AKAP13: variants seen among roughly 807,000 people sequenced by gnomAD.
AKAP13 encodes the protein A-kinase anchor protein 13.
Under a neutral mutation model 264.5 loss-of-function variants are expected in AKAP13, and 80 were observed. The observed-to-expected ratio is 0.30, with a 90% CI of 0.25 to 0.36. AKAP13 has a LOEUF of 0.36. Ranked by LOEUF, AKAP13 falls within the 10% of genes least tolerant of loss-of-function variation. AKAP13 has a pLI of 1.00. For missense variants in AKAP13, 3,712 were observed against 3,435.2 expected (o/e 1.08, Z -2.01); for synonymous variants, 1,380 against 1,250.2 (o/e 1.10, Z -2.19).
chr15:85,399,473 G>A (rs529345024), intron 1 of AKAP13, among the ~76,000 whole-genome samples: 1,871 of 131,048 alleles, frequency 0.014, 53 homozygotes, highest in African/African-American at 0.053. Flanking sequence ...TCCGCAGTCC[G>A]GCCTGGGCGA....
At chr15:85,482,457 A>T (rs1292777328) in intron 1 of AKAP13, among the ~76,000 whole-genome samples, 1 of 152,136 alleles carries the variant, frequency 6.6e-6, no homozygotes, top group East Asian at 1.9e-4. Flanking sequence ...AGTCTTGAGG[A>T]GTATGGTGTC....
intron 1 of AKAP13, among the ~76,000 whole-genome samples, chr15:85,399,805 C>T (rs1414734328): frequency 6.6e-6 from 1 of 151,948 alleles, no homozygotes; most frequent in Admixed American, 6.6e-5. Context: ...AGATTAACTC[C>T]AGCAATAAAA....
chr15:85,494,920 G>A lies in AKAP13; in HGVS notation c.33+9167G>A, dbSNP rs145827458. Among the ~76,000 whole-genome samples, 194 of 152,268 alleles carry A rather than the reference G, an allele frequency of 1.3e-3. 2 individuals carry two copies. Among genetic ancestry groups the A allele is most frequent in the African/African-American group, 4.4e-3 (183 of 41,556 alleles). Reference sequence around the variant, plus strand: ...GAAGAGAGGAATATTCAAAAAGATAGCATTGTGCTCCTTTCTTGGTGGAGT... The same window carrying A: ...GAAGAGAGGAATATTCAAAAAGATAACATTGTGCTCCTTTCTTGGTGGAGT... On this transcript the variant is annotated intron_variant, in intron 2 of 36. Transcript: ENST00000394518.
At chr15:85,511,218 G>C (rs185254486) in intron 2 of AKAP13, among the ~76,000 whole-genome samples, 1 of 151,776 alleles carries the variant, frequency 6.6e-6, no homozygotes, top group Non-Finnish European at 1.5e-5. Flanking sequence ...TCCTCTTCTC[G>C]GACTGGCCCT....
chr15:85,580,560 A>T lies in AKAP13; in HGVS notation c.2492A>T (p.Asn831Ile). 6.2e-7 allele frequency: 1 copy of T among 1,614,214 alleles called. No individual in the cohort carries two copies. The highest frequency in any genetic ancestry group is 8.5e-7 in the Non-Finnish European group (1 of 1,180,038). The change falls in exon 7 of 37, where the codon AAT (asparagine) becomes ATT (isoleucine). Residue 831 changes from asparagine to isoleucine, a missense_variant. Physicochemically the swap from Asn to Ile is moderately radical, Grantham distance 149. Coordinates refer to ENST00000394518, the MANE Select transcript of AKAP13 (RefSeq NM_007200.5). ...ATDYRDGPDG[N>I]SNEPDTRPLE... ...GATTATAGAGATGGCCCAGATGGAA[A>T]TTCGAATGAGCCTGATACGCGGCCA...
At chr15:85,385,815 A>C (rs1348317604) in intron 1 of AKAP13, among the ~76,000 whole-genome samples, 2 of 152,086 alleles carry the variant, frequency 1.3e-5, no homozygotes, top group African/African-American at 2.4e-5. Context: ...TACTTGTCTT[A>C]ATAATGTCTT....
chr15:85,485,556 T>A (rs915368724), intron 1 of AKAP13, among the ~76,000 whole-genome samples, 154 bp from the exon 2 acceptor site: 2 of 152,160 alleles, frequency 1.3e-5, no homozygotes, highest in Admixed American at 1.3e-4. Context: ...CCTTCCTAAA[T>A]CTCTTAGTGT....
intron 5 of AKAP13, among the ~76,000 whole-genome samples, chr15:85,563,884 T>C (rs1251412278): frequency 6.6e-6 from 1 of 152,276 alleles, no homozygotes; most frequent in South Asian, 2.1e-4. Flanking sequence ...TAGGTCAAGA[T>C]GCATGCTCAA....
At chr15:85,419,675 T>A (rs948857057) in intron 1 of AKAP13, among the ~76,000 whole-genome samples, 1 of 152,180 alleles carries the variant, frequency 6.6e-6, no homozygotes, top group African/African-American at 2.4e-5. Context: ...AGTATTTATG[T>A]CTCATTTCAA....
At chr15:85,568,100 C>T (rs913735244) in intron 5 of AKAP13, among the ~76,000 whole-genome samples, 18 of 151,732 alleles carry the variant, frequency 1.2e-4, no homozygotes, top group South Asian at 6.2e-4. Context: ...CAGGAGTTCA[C>T]GACCAGCCTG....
At position 85,730,390 on chromosome 15, in the gene AKAP13, G is replaced by T. The variant is rs1597204554; in HGVS notation, c.7088-123G>T. ...TTGATGAAAAAGAAAAGGCAGTGTGGGTGGGGAGGGTGTCCTGTCTTGTCA... is the reference window on the plus strand; with the variant it reads ...TTGATGAAAAAGAAAAGGCAGTGTGTGTGGGGAGGGTGTCCTGTCTTGTCA... On this transcript the variant is annotated intron_variant, in intron 29 of 36. Transcript: ENST00000394518. 3.3e-6 allele frequency: 3 copies of T among 907,112 alleles called. No homozygotes were observed. In the East Asian group the frequency reaches 7.3e-5, roughly 22 times the overall value. 56.2% of individuals were successfully genotyped at this position (907,112 alleles called of 1,614,324 possible).
At chr15:85,401,736 C>T (rs1323133204) in intron 1 of AKAP13, among the ~76,000 whole-genome samples, 2 of 152,188 alleles carry the variant, frequency 1.3e-5, no homozygotes, top group Non-Finnish European at 2.9e-5. Flanking sequence ...TACTTTCTTT[C>T]CTGTCTTAGG....
At chr15:85,463,416 T>C (rs1331504383) in intron 1 of AKAP13, among the ~76,000 whole-genome samples, 3 of 152,252 alleles carry the variant, frequency 2.0e-5, no homozygotes, top group African/African-American at 4.8e-5. Flanking sequence ...TGATCTGATT[T>C]ATCAAGCCTG....
intron 8 of AKAP13, among the ~76,000 whole-genome samples, chr15:85,604,917 A>G (rs1024827863): frequency 1.3e-5 from 2 of 152,160 alleles, no homozygotes; most frequent in Admixed American, 6.5e-5. Flanking sequence ...CTTGAATACC[A>G]CTGATGTTTA....
Position 85,465,632 on chromosome 15 carries a change from T to C in AKAP13, c.-11-20078T>C, listed in dbSNP as rs562611288. On this transcript the variant is annotated intron_variant, in intron 1 of 36. Transcript: ENST00000394518. ...TTTTTTTGTCCTTGTGATAGTTTAC[T>C]GAGAATGATGATTTCCAATTTCATC... 2.4e-4 allele frequency among the ~76,000 whole-genome samples: 36 copies of C among 151,708 alleles called. No individual in the cohort carries two copies. In the East Asian group the frequency reaches 7.0e-3, roughly 30 times the overall value.
At chr15:85,429,322 A>T (rs796304793) in intron 1 of AKAP13, among the ~76,000 whole-genome samples, 4 of 152,280 alleles carry the variant, frequency 2.6e-5, no homozygotes, top group African/African-American at 9.6e-5. Context: ...CTCGTGCAAG[A>T]CTAATGGTCC....
chr15:85,716,767 A>G (rs924516063), intron 20 of AKAP13, among the ~76,000 whole-genome samples: 5 of 152,148 alleles, frequency 3.3e-5, no homozygotes, highest in African/African-American at 1.2e-4. Context: ...CAAAAGTTGT[A>G]ACATTACTAA....
At chr15:85,486,739 CTTTT>C (rs562767898) in intron 2 of AKAP13, among the ~76,000 whole-genome samples, 11 of 115,642 alleles carry the variant, frequency 9.5e-5, no homozygotes, top group African/African-American at 2.4e-4. Flanking sequence ...TTGTTCAGTT[CTTTT>C]TTTTTTTTTT....
rs1414225718 is a variant in AKAP13, at chr15:85,743,512, G to A, written c.8079G>A (p.Lys2693=). The A allele has an allele frequency of 6.2e-7, 1 of 1,613,906 alleles. No homozygotes were observed. The highest frequency in any genetic ancestry group is 1.3e-5 in the African/African-American group (1 of 74,898). Residue 2693 remains lysine, a synonymous_variant, in exon 36 of 37, where the codon AAG becomes AAA. Coordinates refer to ENST00000394518, the MANE Select transcript of AKAP13 (RefSeq NM_007200.5). ...TACAGGTTTCCCATCCACATACCAA[G>A]CTGATGAGGATCCCATCGTTCTTCC... ...DLCQVSHPHT[K]LMRIPSFFPS...
Sources: allele counts gnomAD v4.1 joint callset (sites outside exome capture counted in the v4.1 genomes callset), GRCh38; gene constraint gnomAD v4.1.1; transcripts MANE v1.5; gene names NCBI Gene and HGNC (gene_info 2026-07-23, HGNC 2026-07-21).